Variants in EPHA3 observed in about 807,000 individuals in gnomAD.
The protein encoded by EPHA3 is ephrin type-A receptor 3.
In EPHA3, 42 loss-of-function variants were observed where a neutral mutation model predicts 107.1. The ratio of observed to expected loss-of-function variants is 0.39; its 90% CI spans 0.31 to 0.51. EPHA3 has a LOEUF of 0.51. EPHA3 is among the 20% of genes least tolerant of loss of function. EPHA3 has a pLI of 0.78. For missense variants in EPHA3, 1,183 were observed against 1,211.2 expected (o/e 0.98, Z 0.35); for synonymous variants, 461 against 424.8 (o/e 1.09, Z -1.05).
chr3:89,442,655 T>A (rs545174461), intron 13 of EPHA3, among the ~76,000 whole-genome samples: 5 of 152,290 alleles, frequency 3.3e-5, no homozygotes, highest in Non-Finnish European at 7.4e-5. Context: ...GTTCCCATCA[T>A]GTGCAAAGAA....
At chr3:89,377,696 A>G (rs1286010766) in intron 5 of EPHA3, among the ~76,000 whole-genome samples, 2 of 152,140 alleles carry the variant, frequency 1.3e-5, no homozygotes, top group Non-Finnish European at 2.9e-5. Flanking sequence ...TAACTTGAAA[A>G]GCATGTTTCT....
rs149182559 is a variant in EPHA3 at position 89,193,632 on chromosome 3, A to G, written c.154-16228A>G. 3.5e-3 allele frequency among the ~76,000 whole-genome samples: 529 copies of G among 152,068 alleles called. 4 individuals carry two copies. Among genetic ancestry groups the G allele is most frequent in the Admixed American group, 6.5e-3 (100 of 15,276 alleles). ...GATAAATGTATGAAATCATAGATAT[A>G]CTCATTACCCTGATCTGTTCACTGT... On this transcript the variant is annotated intron_variant, in intron 2 of 16. Transcript: ENST00000336596.
chr3:89,453,418 T>G (rs1423823372), intron 15 of EPHA3, among the ~76,000 whole-genome samples: 1 of 152,144 alleles, frequency 6.6e-6, no homozygotes, highest in African/African-American at 2.4e-5. Flanking sequence ...TATTGAAATA[T>G]ATCAAATACT....
chr3:89,445,232 C>T (rs79609557), intron 13 of EPHA3, among the ~76,000 whole-genome samples: 10,130 of 152,156 alleles, frequency 0.067, 408 homozygotes, highest in Middle Eastern at 0.12. Flanking sequence ...CACTGCACCA[C>T]CGCATTCCAG....
intron 2 of EPHA3, among the ~76,000 whole-genome samples, chr3:89,185,338 T>C (rs1705538442): frequency 6.6e-6 from 1 of 152,026 alleles, no homozygotes; most frequent in Non-Finnish European, 1.5e-5. Flanking sequence ...AACTCTCTGG[T>C]GGGTACTCCA....
At chr3:89,287,372 C>A (rs11720688) in intron 3 of EPHA3, among the ~76,000 whole-genome samples, 5,460 of 152,104 alleles carry the variant, frequency 0.036, 138 homozygotes, top group Middle Eastern at 0.075. Flanking sequence ...AATCAGTGTC[C>A]TTTTGGCATT....
chr3:89,327,672 T>G (rs1297371521), intron 3 of EPHA3, among the ~76,000 whole-genome samples: 2 of 152,090 alleles, frequency 1.3e-5, no homozygotes, highest in African/African-American at 4.8e-5. Flanking sequence ...GTATGGAAAG[T>G]TTTTTTAGGC....
intron 3 of EPHA3, among the ~76,000 whole-genome samples, chr3:89,339,168 C>T (rs938322957): frequency 2.0e-5 from 3 of 151,908 alleles, no homozygotes; most frequent in East Asian, 3.9e-4. Flanking sequence ...GTCAGGAGGT[C>T]GAGACCAGCC....
chr3:89,113,060 T>C (rs1460268487), intron 1 of EPHA3, among the ~76,000 whole-genome samples: 1 of 152,122 alleles, frequency 6.6e-6, no homozygotes, highest in African/African-American at 2.4e-5. Flanking sequence ...GGAAGGTCAA[T>C]AAAGGGCTTT....
chr3:89,461,202 A>C (rs1710233154), intron 15 of EPHA3, among the ~76,000 whole-genome samples: 3 of 105,970 alleles, frequency 2.8e-5, no homozygotes, highest in African/African-American at 1.3e-4. Context: ...TATATGTGCC[A>C]CATTTTCTTA....
chr3:89,365,912 A>G (rs1268835355), intron 5 of EPHA3, among the ~76,000 whole-genome samples: 2 of 150,776 alleles, frequency 1.3e-5, no homozygotes, highest in Non-Finnish European at 3.0e-5. Context: ...TGTGTATGAT[A>G]TAGATGGTTT....
intron 2 of EPHA3, among the ~76,000 whole-genome samples, chr3:89,165,211 C>T (rs1705036321): frequency 6.6e-6 from 1 of 152,108 alleles, no homozygotes; most frequent in South Asian, 2.1e-4. Flanking sequence ...ACAATTGAAA[C>T]TCTGGGAAAG....
chr3:89,206,534 T>G (rs1202263712), intron 2 of EPHA3, among the ~76,000 whole-genome samples: 1 of 152,094 alleles, frequency 6.6e-6, no homozygotes, highest in Non-Finnish European at 1.5e-5. Context: ...TTCTCTAGAG[T>G]TTTTGCTACA....
intron 2 of EPHA3, among the ~76,000 whole-genome samples, chr3:89,134,847 G>A (rs1378337356): frequency 6.6e-6 from 1 of 152,100 alleles, no homozygotes; most frequent in African/African-American, 2.4e-5. Flanking sequence ...TAAGAAAATT[G>A]CTCCAATTTG....
intron 3 of EPHA3, among the ~76,000 whole-genome samples, chr3:89,214,382 T>C (rs1472156210): frequency 3.3e-5 from 5 of 152,012 alleles, no homozygotes; most frequent in East Asian, 1.9e-4. Flanking sequence ...TCAGAATCCC[T>C]GAAATGTGTT....
chr3:89,442,558 C>T (rs1011192813), intron 13 of EPHA3, among the ~76,000 whole-genome samples: 1 of 152,084 alleles, frequency 6.6e-6, no homozygotes, highest in Non-Finnish European at 1.5e-5. Flanking sequence ...GCTAGATATC[C>T]TACAACGCAC....
intron 3 of EPHA3, among the ~76,000 whole-genome samples, chr3:89,323,558 C>T (rs1044365846): frequency 2.6e-5 from 4 of 151,992 alleles, no homozygotes; most frequent in East Asian, 3.9e-4. Context: ...TTTTTCTTTT[C>T]TATTTTGTTA....
intron 5 of EPHA3, among the ~76,000 whole-genome samples, chr3:89,376,474 C>T (rs1369041502): frequency 1.3e-5 from 2 of 151,810 alleles, no homozygotes; most frequent in Non-Finnish European, 2.9e-5. Flanking sequence ...TTGCTTTCCT[C>T]AGTTTTCTTT....
At chr3:89,220,282 T>G (rs182842481) in intron 3 of EPHA3, among the ~76,000 whole-genome samples, 1 of 152,302 alleles carries the variant, frequency 6.6e-6, no homozygotes, top group East Asian at 1.9e-4. Context: ...TGATTGTGCT[T>G]CAGGACACAT....
Sources: allele counts gnomAD v4.1 joint callset (sites outside exome capture counted in the v4.1 genomes callset), GRCh38; gene constraint gnomAD v4.1.1; transcripts MANE v1.5; gene names NCBI Gene and HGNC (gene_info 2026-07-23, HGNC 2026-07-21).